SAMD12: variants seen among roughly 807,000 people sequenced by gnomAD.
SAMD12 encodes sterile alpha motif domain containing 12, also known as sterile alpha motif domain-containing protein 12.
Under a neutral mutation model 15.0 loss-of-function variants are expected in SAMD12, and 9 were observed. The ratio of observed to expected loss-of-function variants is 0.60; its 90% confidence interval spans 0.36 to 1.05. SAMD12 has a LOEUF of 1.05. Ranked by LOEUF, SAMD12 falls within the 50% of genes least tolerant of loss-of-function variation. The pLI is 0.01. For missense variants in SAMD12, 230 were observed against 234.2 expected (o/e 0.98, Z 0.12); for synonymous variants, 86 against 90.1 (o/e 0.96, Z 0.25).
Position 118,393,630 on chromosome 8 carries a change from C to G in SAMD12, c.323-13930G>C, listed in dbSNP as rs186766198. On this transcript the variant is annotated intron_variant, in intron 3 of 3. Coordinates refer to ENST00000314727, the MANE Select transcript of SAMD12 (RefSeq NM_207506.3). ...TTTTTTTTTTTGAGACAGAGTTTTG[C>G]TCTTGTTGCCCAGGCTGGAGTGCAG... Among the ~76,000 whole-genome samples the G allele has an allele frequency of 6.0e-5, 9 of 151,042 alleles. No homozygotes were observed. The East Asian group carries it at 1.4e-3, about 23-fold the overall frequency.
chr8:118,601,814 G>A (rs1331744164), intron 1 of SAMD12, among the ~76,000 whole-genome samples: 2 of 152,144 alleles, frequency 1.3e-5, no homozygotes, highest in Admixed American at 6.5e-5. Flanking sequence ...AGAACTGATG[G>A]GTAGAAGCAG....
At chr8:118,143,301 A>G in the SAMD12 span, among the ~76,000 whole-genome samples, 1 of 152,214 alleles carries the variant, frequency 6.6e-6, no homozygotes, top group African/African-American at 2.4e-5. Context: ...CCCCAAGTCA[A>G]TTTACATAAA....
At chr8:118,281,887 C>T (rs1399423221) in intron 4 of SAMD12, among the ~76,000 whole-genome samples, 1 of 152,210 alleles carries the variant, frequency 6.6e-6, no homozygotes, top group East Asian at 1.9e-4. Flanking sequence ...ACCAGTGGGT[C>T]ATTTCAAACT....
intron 3 of SAMD12, among the ~76,000 whole-genome samples, chr8:118,434,161 A>G (rs547441260): frequency 1.2e-4 from 19 of 152,308 alleles, no homozygotes; most frequent in African/African-American, 4.1e-4. Flanking sequence ...GAACTGCCCA[A>G]TTTCAAGGTG....
rs182710822 is a variant in SAMD12, at chr8:118,203,894, C to T, written c.434-6162G>A. 4.0e-5 allele frequency among the ~76,000 whole-genome samples: 6 copies of T among 151,020 alleles called. No homozygotes were observed. The East Asian group carries it at 1.2e-3, about 29-fold the overall frequency. On this transcript the variant is annotated intron_variant, in intron 4 of 4. Coordinates refer to the SAMD12 transcript ENST00000409003. ...ATAGTTTCCAGCTTCATCCATGTCC[C>T]TTCAAAGGACATGAACTCATCCTTT...
intron 1 of SAMD12, 49 bp downstream of exon 1, chr8:118,621,755 G>C (rs755565159): frequency 6.2e-7 from 1 of 1,607,230 alleles, no homozygotes; most frequent in Non-Finnish European, 8.5e-7. Context: ...GTGTGCCTTG[G>C]GGTGCGCGGG....
intron 1 of SAMD12, among the ~76,000 whole-genome samples, chr8:118,597,794 C>T (rs1349731527): frequency 6.6e-6 from 1 of 152,188 alleles, no homozygotes; most frequent in Non-Finnish European, 1.5e-5. Context: ...AAGAGCACTA[C>T]ATCTTTCTGT....
chr8:118,257,425 A>G (rs1041499250), intron 4 of SAMD12, among the ~76,000 whole-genome samples: 1 of 152,114 alleles, frequency 6.6e-6, no homozygotes, highest in African/African-American at 2.4e-5. Context: ...GAAAATACCA[A>G]TAGAGGGTTA....
At chr8:118,223,032 A>G (rs2129879342) in intron 4 of SAMD12, among the ~76,000 whole-genome samples, 1 of 152,322 alleles carries the variant, frequency 6.6e-6, no homozygotes, top group South Asian at 2.1e-4. Context: ...TAGACTTATC[A>G]TCAGAAATAG....
chr8:118,602,001 C>A (rs1827875501), intron 1 of SAMD12, among the ~76,000 whole-genome samples: 1 of 152,210 alleles, frequency 6.6e-6, no homozygotes, highest in African/African-American at 2.4e-5. Context: ...CAGAAGGCTG[C>A]AGTCTTCATG....
chr8:118,376,665 G>A (rs771032893), downstream of SAMD12, among the ~76,000 whole-genome samples: 40 of 152,098 alleles, frequency 2.6e-4, no homozygotes, highest in Non-Finnish European at 4.4e-4. Context: ...ACAGCCCCAC[G>A]TGAGCCATGG....
chr8:118,485,128 A>T (rs901635805), intron 2 of SAMD12, among the ~76,000 whole-genome samples: 7 of 152,110 alleles, frequency 4.6e-5, no homozygotes, highest in African/African-American at 1.7e-4. Flanking sequence ...TTTATTATAC[A>T]TTGGTTATCC....
chr8:118,252,831 A>C (rs772254396), intron 4 of SAMD12, among the ~76,000 whole-genome samples: 10 of 152,150 alleles, frequency 6.6e-5, no homozygotes, highest in Non-Finnish European at 1.3e-4. Flanking sequence ...AATCTAAGTC[A>C]ACTGTGGGGG....
intron 3 of SAMD12, among the ~76,000 whole-genome samples, chr8:118,424,502 T>C (rs906725431): frequency 1.3e-5 from 2 of 152,188 alleles, no homozygotes; most frequent in African/African-American, 4.8e-5. Flanking sequence ...GTCCAATCTT[T>C]CTCTCATCTT....
the SAMD12 span, among the ~76,000 whole-genome samples, chr8:118,166,888 T>G: frequency 1.2e-4 from 18 of 152,254 alleles, no homozygotes; most frequent in African/African-American, 4.3e-4. Context: ...GAGGCATCTC[T>G]CCCATGCTCA....
the SAMD12 span, among the ~76,000 whole-genome samples, chr8:118,141,349 T>C: frequency 2.6e-5 from 4 of 152,238 alleles, no homozygotes; most frequent in Non-Finnish European, 4.4e-5. Flanking sequence ...TTACAAAGCC[T>C]GTTAGAAATG....
intron 3 of SAMD12, among the ~76,000 whole-genome samples, chr8:118,432,622 G>A (rs966625531): frequency 6.6e-6 from 1 of 152,136 alleles, no homozygotes; most frequent in Non-Finnish European, 1.5e-5. Context: ...CTTATCCTAG[G>A]AACTAGAGAT....
chr8:118,471,602 T>C (rs1370403983), intron 2 of SAMD12, among the ~76,000 whole-genome samples: 1 of 152,094 alleles, frequency 6.6e-6, no homozygotes. Flanking sequence ...TTGGTAAAAA[T>C]CCCTTTGCAA....
chr8:118,580,560 C>A (rs1022407593), intron 2 of SAMD12, among the ~76,000 whole-genome samples, 155 bp downstream of exon 2: 4 of 152,154 alleles, frequency 2.6e-5, no homozygotes. Flanking sequence ...TTAATATTTT[C>A]ATTTATAATT....
Sources: gnomAD v4.1 joint callset for allele counts (sites outside exome capture counted in the v4.1 genomes callset) on GRCh38, gnomAD v4.1.1 for gene constraint, MANE v1.5 for transcripts, NCBI Gene and HGNC (gene_info 2026-07-23, HGNC 2026-07-21) for gene names.